The following GALNTL6 variants were observed in gnomAD, a reference collection of about 807,000 sequenced individuals.
The protein encoded by GALNTL6 is polypeptide N-acetylgalactosaminyltransferase like 6.
Under a neutral mutation model 73.7 loss-of-function variants are expected in GALNTL6, and 46 were observed. That is an observed-to-expected ratio of 0.62 (90% confidence interval 0.49 to 0.80). The LOEUF (loss-of-function observed/expected upper bound fraction) is 0.80, where lower values mean the gene tolerates loss of function less well. GALNTL6 is among the 30% of genes least tolerant of loss of function. The pLI is 0.00. For synonymous variants in GALNTL6, 259 were observed against 263.7 expected (o/e 0.98, Z 0.17); for missense variants, 604 against 755.0 (o/e 0.80, Z 2.34).
intron 5 of GALNTL6, among the ~76,000 whole-genome samples, chr4:172,725,062 G>A (rs531109102): frequency 2.5e-4 from 38 of 152,012 alleles, no homozygotes; most frequent in South Asian, 1.5e-3. Flanking sequence ...CCCTGTCTCC[G>A]TGCTTCTGTT....
At chr4:172,817,625 T>A (rs987646808) in intron 7 of GALNTL6, among the ~76,000 whole-genome samples, 1 of 152,174 alleles carries the variant, frequency 6.6e-6, no homozygotes, top group Admixed American at 6.6e-5. Flanking sequence ...CTTTTCTGTG[T>A]GACAAAACAT....
intron 4 of GALNTL6, among the ~76,000 whole-genome samples, chr4:172,344,819 C>T (rs541925884): frequency 6.6e-6 from 1 of 152,250 alleles, no homozygotes; most frequent in East Asian, 1.9e-4. Context: ...TATATATCTG[C>T]TCACTGGTCT....
chr4:171,865,627 G>A (rs1340590327), intron 2 of GALNTL6, among the ~76,000 whole-genome samples: 1 of 152,158 alleles, frequency 6.6e-6, no homozygotes, highest in Non-Finnish European at 1.5e-5. Flanking sequence ...AAACAAAGCA[G>A]AAATGGAAGG....
At chr4:172,431,196 A>C (rs1424991472) in intron 5 of GALNTL6, among the ~76,000 whole-genome samples, 1 of 152,158 alleles carries the variant, frequency 6.6e-6, no homozygotes, top group Admixed American at 6.6e-5. Flanking sequence ...CCAAACAATA[A>C]GTAGATTTGA....
intron 5 of GALNTL6, among the ~76,000 whole-genome samples, chr4:172,657,295 C>T (rs1731082858): frequency 6.6e-6 from 1 of 152,078 alleles, no homozygotes. Flanking sequence ...TGAGATAATC[C>T]ATCATGGTGG....
At chr4:172,318,818 A>T (rs1740658531) in intron 4 of GALNTL6, among the ~76,000 whole-genome samples, 1 of 151,984 alleles carries the variant, frequency 6.6e-6, no homozygotes, top group African/African-American at 2.4e-5. Flanking sequence ...AACAGTGCAC[A>T]TGAAAAAAAA....
At chr4:172,674,447 GT>G (rs1413480784) in intron 5 of GALNTL6, among the ~76,000 whole-genome samples, 2 of 152,034 alleles carry the variant, frequency 1.3e-5, no homozygotes, top group Non-Finnish European at 2.9e-5. Flanking sequence ...TGTCTTGAGG[GT>G]GATTTTCTTT....
At chr4:172,165,215 TTCTC>T (rs1434158351) in intron 2 of GALNTL6, among the ~76,000 whole-genome samples, 7 of 152,168 alleles carry the variant, frequency 4.6e-5, no homozygotes, top group Non-Finnish European at 1.0e-4. Flanking sequence ...TTTATATACT[TTCTC>T]TCAGTTAATT....
chr4:172,914,986 C>T (rs903276700), intron 8 of GALNTL6, among the ~76,000 whole-genome samples: 8 of 152,092 alleles, frequency 5.3e-5, no homozygotes, highest in Non-Finnish European at 1.0e-4. Flanking sequence ...CAAAATTGAC[C>T]ACATAGTTAG....
chr4:171,896,064 A>G (rs113855021), intron 2 of GALNTL6, among the ~76,000 whole-genome samples: 2 of 147,876 alleles, frequency 1.4e-5, no homozygotes, highest in South Asian at 2.1e-4. Flanking sequence ...ATAACCTAAC[A>G]TAAGTGTCAT....
chr4:172,192,574 G>A (rs59721151), intron 2 of GALNTL6, among the ~76,000 whole-genome samples: 5,220 of 152,088 alleles, frequency 0.034, 311 homozygotes, highest in African/African-American at 0.12. Context: ...GGAGCTGCAC[G>A]GGGCAAAGGG....
At chr4:172,583,841 C>T (rs1201430755) in intron 5 of GALNTL6, among the ~76,000 whole-genome samples, 9 of 139,266 alleles carry the variant, frequency 6.5e-5, no homozygotes, top group South Asian at 2.2e-4. Flanking sequence ...AGGTTGCAGC[C>T]GAGATCACAC....
At chr4:172,538,452 T>C (rs1015069818) in intron 5 of GALNTL6, among the ~76,000 whole-genome samples, 1 of 151,724 alleles carries the variant, frequency 6.6e-6, no homozygotes, top group East Asian at 1.9e-4. Context: ...AGAGTGAGAC[T>C]CCATCTCAAA....
At chr4:172,683,827 A>C (rs1732768761) in intron 5 of GALNTL6, among the ~76,000 whole-genome samples, 1 of 152,216 alleles carries the variant, frequency 6.6e-6, no homozygotes, top group Non-Finnish European at 1.5e-5. Flanking sequence ...TGAGAGAATT[A>C]TTCTTTATTT....
intron 5 of GALNTL6, among the ~76,000 whole-genome samples, chr4:172,379,536 CA>C (rs71592073): frequency 0.14 from 10,486 of 75,618 alleles, 446 homozygotes; most frequent in Middle Eastern, 0.28. Flanking sequence ...GACTCCGTCT[CA>C]AAAAAAAAAA....
chr4:172,415,923 A>G (rs1490277701), intron 5 of GALNTL6, among the ~76,000 whole-genome samples: 1 of 152,118 alleles, frequency 6.6e-6, no homozygotes, highest in African/African-American at 2.4e-5. Context: ...TCGATCTTTA[A>G]CTACCAGGCC....
chr4:172,071,774 A>T (rs1482217093), intron 2 of GALNTL6, among the ~76,000 whole-genome samples: 1 of 41,282 alleles, frequency 2.4e-5, no homozygotes, highest in Non-Finnish European at 5.9e-5. Context: ...AAGAGTGGGA[A>T]AGCTTTATTA....
intron 2 of GALNTL6, among the ~76,000 whole-genome samples, chr4:172,183,450 A>T (rs1028072514): frequency 6.6e-6 from 1 of 152,216 alleles, no homozygotes; most frequent in Admixed American, 6.5e-5. Context: ...CTTGAATAAT[A>T]TGTAATTTAT....
intron 7 of GALNTL6, among the ~76,000 whole-genome samples, chr4:172,869,777 T>G (rs996766368): frequency 6.6e-6 from 1 of 152,080 alleles, no homozygotes; most frequent in African/African-American, 2.4e-5. Flanking sequence ...TCCACCTCAT[T>G]CTCTCTAGTT....
Sources: gnomAD v4.1 joint callset for allele counts (sites outside exome capture counted in the v4.1 genomes callset) on GRCh38, gnomAD v4.1.1 for gene constraint, MANE v1.5 for transcripts, NCBI Gene and HGNC (gene_info 2026-07-23, HGNC 2026-07-21) for gene names.